The following MPEG1 variants were observed in gnomAD, a reference collection of about 807,000 sequenced individuals.
MPEG1 encodes the protein macrophage expressed 1, also known as macrophage-expressed gene 1 protein.
For synonymous variants in MPEG1, 365 were observed against 351.9 expected (o/e 1.04, Z -0.42); for missense variants, 876 against 880.3 (o/e 1.00, Z 0.06).
rs17153442 is a variant in MPEG1, at chr11:59,210,785, T to C, written c.2081A>G (p.Gln694Arg). 4,102 of 1,614,180 alleles carry C rather than the reference T, an allele frequency of 2.5e-3. 76 individuals are homozygous for C. In the South Asian group the frequency reaches 0.029, roughly 11 times the overall value. Residue 694 changes from glutamine (Q) to arginine (R), a missense_variant, in exon 1 of 1, where the codon CAG (glutamine) becomes CGG (arginine). Coordinates refer to ENST00000361050, the MANE Select transcript of MPEG1 (RefSeq NM_001039396.2). ...KKAYQAIEER[Q>R]SLVPGTAATG... ...TGCTGCAGTGCCTGGAACCAAACTC[T>C]GCCTTTCCTCAATTGCCTGATATGC...
Position 59,211,270 on chromosome 11 carries a change from A to G in MPEG1, c.1596T>C (p.Phe532=). ...SRFAVPFGGF[F]SCTVGNPLVD... is the part of the protein sequence containing the mutation. ...CCAGGGGGTTCCCAACTGTGCAGCTAAAGAACCCGCCAAAGGGGACCGCAA... is the reference window on the plus strand; with the variant it reads ...CCAGGGGGTTCCCAACTGTGCAGCTGAAGAACCCGCCAAAGGGGACCGCAA... The change falls in exon 1 of 1, where the codon TTT becomes TTC. Residue 532 remains phenylalanine (F), a synonymous_variant. Coordinates refer to ENST00000361050, the MANE Select transcript of MPEG1 (RefSeq NM_001039396.2). 4 of 1,614,158 alleles carry G rather than the reference A, an allele frequency of 2.5e-6. No homozygotes were observed. Among genetic ancestry groups the G allele is most frequent in the Non-Finnish European group, 3.4e-6 (4 of 1,180,014 alleles).
Position 59,212,683 on chromosome 11 carries a change from T to C in MPEG1, c.183A>G (p.Arg61=). ...WDNLRNVDMG[R]VMELTYSNCR... ...AGTTGGAGTAAGTCAATTCCATAAC[T>C]CGTCCCATGTCCACATTCCGCAGAT... is the stretch of plus-strand genomic sequence containing the variant. Residue 61 remains arginine (R), a synonymous_variant, in exon 1 of 1, where the codon CGA becomes CGG. Transcript: ENST00000361050. 1 of 1,614,222 alleles carries C rather than the reference T, an allele frequency of 6.2e-7. No individual in the cohort carries two copies. Among genetic ancestry groups the C allele is most frequent in the Non-Finnish European group, 8.5e-7 (1 of 1,180,038 alleles).
chr11:59,211,384 T>C lies in MPEG1; in HGVS notation c.1482A>G (p.Ala494=). The C allele has an allele frequency of 1.9e-6, 3 of 1,614,190 alleles. No homozygotes were observed. Among genetic ancestry groups the C allele is most frequent in the Non-Finnish European group, 2.5e-6 (3 of 1,180,044 alleles). The change falls in exon 1 of 1, where the codon GCA becomes GCG. Residue 494 remains alanine, a synonymous_variant. Transcript: ENST00000361050. ...SSKSINPMTN[A]QSCPAGYFPL... Reference sequence around the variant, plus strand: ...GAAAGTAGCCGGCTGGGCATGACTGTGCATTTGTCATGGGGTTTATGCTCT... The same window carrying C: ...GAAAGTAGCCGGCTGGGCATGACTGCGCATTTGTCATGGGGTTTATGCTCT...
rs533772796 is a variant in MPEG1, at chr11:59,209,208, A to T, written c.*1507T>A. ...TTCTCTGTGTCTCGGTTGGAAATGAATGGGTATCCTGGTTCCCACCTTCCC... is the reference window on the plus strand; with the variant it reads ...TTCTCTGTGTCTCGGTTGGAAATGATTGGGTATCCTGGTTCCCACCTTCCC... On this transcript the variant is annotated 3_prime_UTR_variant, in exon 1 of 1. Transcript: ENST00000361050. 3 of 152,304 alleles carry T rather than the reference A, an allele frequency of 2.0e-5. No individual in the cohort carries two copies. The South Asian group carries it at 6.2e-4, about 32-fold the overall frequency. The allele number at this position is 152,304 out of a possible 1,614,324, so 9.4% of individuals were successfully genotyped here. A position where few individuals can be genotyped will look rare whatever the true frequency, so the allele number is the denominator to read the frequency against.
rs772082525 is a variant in MPEG1 at position 59,210,609 on chromosome 11, C to T, written c.*106G>A. 71 of 1,017,842 alleles carry T rather than the reference C, an allele frequency of 7.0e-5. No individual in the cohort carries two copies. The highest frequency in any genetic ancestry group is 9.3e-5 in the Non-Finnish European group (63 of 678,278). 63.1% of individuals were successfully genotyped at this position (1,017,842 alleles called of 1,614,324 possible). ...GCCCAGAGACCTAAACAAGAAGTCACGAATATACCTACTTTTGGTTGCACT... is the reference window on the plus strand; with the variant it reads ...GCCCAGAGACCTAAACAAGAAGTCATGAATATACCTACTTTTGGTTGCACT... On this transcript the variant is annotated 3_prime_UTR_variant, in exon 1 of 1. Coordinates refer to ENST00000361050, the MANE Select transcript of MPEG1 (RefSeq NM_001039396.2).
At position 59,211,099 on chromosome 11, in the gene MPEG1, G is replaced by A. The variant is rs749470365; in HGVS notation, c.1767C>T (p.Pro589=). Residue 589 remains proline (P), a synonymous_variant, in exon 1 of 1, where the codon CCC becomes CCT. Transcript: ENST00000361050. ...GGGTGAAAGGTGGGAGCCTGGCAGG[G>A]GGCAGGGACCCTCCTGTGAAGAGCC... ...KSGLFTGGSL[P]PARLPPFTRP... The A allele has an allele frequency of 6.2e-7, 1 of 1,614,210 alleles. No individual in the cohort carries two copies. The highest frequency in any genetic ancestry group is 1.1e-5 in the South Asian group (1 of 91,082).
rs770294670 is a variant in MPEG1, at chr11:59,211,226, C to T, written c.1640G>A (p.Arg547Lys). Residue 547 changes from arginine (R) to lysine (K), a missense_variant, in exon 1 of 1, where the codon AGA (arginine) becomes AAA (lysine). Physicochemically the swap from Arg to Lys is conservative, Grantham distance 26. Coordinates refer to ENST00000361050, the MANE Select transcript of MPEG1 (RefSeq NM_001039396.2). ...GNPLVDPAIS[R>K]DLGAPSLKKC... ...TTTCAGAGACGGTGCCCCTAAATCT[C>T]TGGATATAGCAGGATCTACCAGGGG... The T allele has an allele frequency of 3.1e-6, 5 of 1,614,188 alleles. No homozygotes were observed. In the South Asian group the frequency reaches 5.5e-5, roughly 18 times the overall value.
Position 59,212,433 on chromosome 11 carries a change from C to T in MPEG1, c.433G>A (p.Ala145Thr). The T allele has an allele frequency of 6.2e-7, 1 of 1,614,168 alleles. No individual in the cohort carries two copies. The highest frequency in any genetic ancestry group is 8.5e-7 in the Non-Finnish European group (1 of 1,180,036). ...RMKTLQVKDQ[A>T]ITTRVQVRNL... The stretch of plus-strand genomic sequence containing the variant: ...CTTACCTGAACTCGGGTAGTTATAG[C>T]TTGGTCCTTCACTTGGAGGGTCTTC... Residue 145 changes from alanine (A) to threonine (T), a missense_variant, in exon 1 of 1, where the codon GCT becomes ACT. Transcript: ENST00000361050.
In MPEG1 at chr11:59,210,895, T is replaced by G. The variant is rs762946773; in HGVS notation, c.1971A>C (p.Ala657=). 8.1e-6 allele frequency: 13 copies of G among 1,614,060 alleles called. No individual in the cohort carries two copies. The African/African-American group carries it at 1.7e-4, about 22-fold the overall frequency. Reference sequence around the variant, plus strand: ...TGGTGACCCCCACTGTGACCCCAGCTGCAGCCCCTCCTGACAGACCACCAC... The same window carrying G: ...TGGTGACCCCCACTGTGACCCCAGCGGCAGCCCCTCCTGACAGACCACCAC... ...GDGGGLSGGA[A]AGVTVGVTTI... The change falls in exon 1 of 1, where the codon GCA becomes GCC. Residue 657 remains alanine, a synonymous_variant. Coordinates refer to ENST00000361050, the MANE Select transcript of MPEG1 (RefSeq NM_001039396.2).
Position 59,210,985 on chromosome 11 carries a change from G to A in MPEG1, c.1881C>T (p.Thr627=). ...TCGGTTCTCCCAGCCTCCACTGGTG[G>A]GTCTGGGAGTCTTTAATCCAGGATC... ...NARSWIKDSQ[T]HQWRLGEPIE... The change falls in exon 1 of 1, where the codon ACC becomes ACT. Residue 627 remains threonine (T), a synonymous_variant. Coordinates refer to ENST00000361050, the MANE Select transcript of MPEG1 (RefSeq NM_001039396.2). 6.2e-7 allele frequency: 1 copy of A among 1,614,150 alleles called. No individual in the cohort carries two copies. The highest frequency in any genetic ancestry group is 8.5e-7 in the Non-Finnish European group (1 of 1,180,028).
At position 59,208,608 on chromosome 11, in the gene MPEG1, T is replaced by A. The variant is rs1862846600; in HGVS notation, c.*2107A>T. On this transcript the variant is annotated 3_prime_UTR_variant, in exon 1 of 1. Transcript: ENST00000361050. ...GAGCCAGCTTTGTCACCCAAATCTG[T>A]GTCTATTTCTGATAGTCCATGGAAT... is the stretch of plus-strand genomic sequence containing the variant. The A allele has an allele frequency of 6.6e-6, 1 of 152,180 alleles. No homozygotes were observed. The highest frequency in any genetic ancestry group is 1.5e-5 in the Non-Finnish European group (1 of 68,020). The allele number at this position is 152,180 out of a possible 1,614,324, so 9.4% of individuals were successfully genotyped here.
At position 59,211,448 on chromosome 11, in the gene MPEG1, T is replaced by A. The variant is rs1276445186; in HGVS notation, c.1418A>T (p.Glu473Val). 1.2e-6 allele frequency: 2 copies of A among 1,614,176 alleles called. No individual in the cohort carries two copies. Among genetic ancestry groups the A allele is most frequent in the African/African-American group, 2.7e-5 (2 of 75,044 alleles). The change falls in exon 1 of 1, where the codon GAA (glutamate) becomes GTA (valine). Residue 473 changes from glutamate to valine, a missense_variant. Physicochemically the swap from Glu to Val is moderately radical, Grantham distance 121. Coordinates refer to ENST00000361050, the MANE Select transcript of MPEG1 (RefSeq NM_001039396.2). Reference protein sequence around the residue: ...FWCVASSQVPENSGLLFGGLF... With the variant: ...FWCVASSQVPVNSGLLFGGLF... ...GCCCCCAAAAAGCAGTCCTGAGTTT[T>A]CAGGTACTTGGCTGCTGGCCACACA...
At position 59,210,494 on chromosome 11, in the gene MPEG1, A is replaced by C. The variant is rs1172100709; in HGVS notation, c.*221T>G. On this transcript the variant is annotated 3_prime_UTR_variant, in exon 1 of 1. Transcript: ENST00000361050. ...CATTGGGAAAGGACATCTGCTTCCT[A>C]TTTTAGTCCCAGAATCACTTTTGCT... 1.1e-5 allele frequency: 6 copies of C among 546,596 alleles called. No individual in the cohort carries two copies. In the East Asian group the frequency reaches 1.5e-4, roughly 13 times the overall value. 33.9% of individuals were successfully genotyped at this position (546,596 alleles called of 1,614,324 possible). A position where few individuals can be genotyped will look rare whatever the true frequency, so the allele number is the denominator to read the frequency against.
rs1222254463 is a variant in MPEG1, at chr11:59,209,145, G to A, written c.*1570C>T. 1 of 152,062 alleles carries A rather than the reference G, an allele frequency of 6.6e-6. No individual in the cohort carries two copies. Among genetic ancestry groups the A allele is most frequent in the African/African-American group, 2.4e-5 (1 of 41,392 alleles). The allele number at this position is 152,062 out of a possible 1,614,324, so 9.4% of individuals were successfully genotyped here. On this transcript the variant is annotated 3_prime_UTR_variant, in exon 1 of 1. Coordinates refer to ENST00000361050, the MANE Select transcript of MPEG1 (RefSeq NM_001039396.2). ...GTTACAGAAATCAGTGTCTCTGGCTGGGCAGTCAAGAGAGCGGGCTCAAAT... is the reference window on the plus strand; with the variant it reads ...GTTACAGAAATCAGTGTCTCTGGCTAGGCAGTCAAGAGAGCGGGCTCAAAT...
At position 59,211,677 on chromosome 11, in the gene MPEG1, AGAG is replaced by A; in HGVS notation, c.1186_1188del (p.Leu396del). ...GGATTCTTCTGCTCCAACTTTTGGC[AGAG>A]GAGGACATCCCTATTCCCTGAGAGC... On this transcript the variant is annotated inframe_deletion, in exon 1 of 1. Coordinates refer to ENST00000361050, the MANE Select transcript of MPEG1 (RefSeq NM_001039396.2). The A allele has an allele frequency of 5.0e-6, 8 of 1,614,202 alleles. No individual in the cohort carries two copies. Among genetic ancestry groups the A allele is most frequent in the Non-Finnish European group, 6.8e-6 (8 of 1,180,040 alleles).
At position 59,212,350 on chromosome 11, in the gene MPEG1, C is replaced by T; in HGVS notation, c.516G>A (p.Arg172=). ...NPTLELSSGF[R]KELLDISDRL... Reference sequence around the variant, plus strand: ...GGTCAGAGATGTCAAGGAGTTCCTTCCTAAAACCTGAGCTTAGCTCTAAAG... The same window carrying T: ...GGTCAGAGATGTCAAGGAGTTCCTTTCTAAAACCTGAGCTTAGCTCTAAAG... Residue 172 remains arginine (R), a synonymous_variant, in exon 1 of 1, where the codon AGG becomes AGA. Coordinates refer to ENST00000361050, the MANE Select transcript of MPEG1 (RefSeq NM_001039396.2). The T allele has an allele frequency of 6.2e-7, 1 of 1,614,138 alleles. No homozygotes were observed. Among genetic ancestry groups the T allele is most frequent in the Non-Finnish European group, 8.5e-7 (1 of 1,180,030 alleles).
chr11:59,211,911 G>A lies in MPEG1; in HGVS notation c.955C>T (p.Leu319=). 4 of 1,613,990 alleles carry A rather than the reference G, an allele frequency of 2.5e-6. No homozygotes were observed. Among genetic ancestry groups the A allele is most frequent in the Non-Finnish European group, 3.4e-6 (4 of 1,179,952 alleles). ...PLHFFINPNM[L]PDLPGPLVKK... is the part of the protein sequence containing the mutation. ...ACCAGGGGGCCTGGCAAGTCAGGTA[G>A]CATGTTGGGGTTGATGAAGAAATGC... is the stretch of plus-strand genomic sequence containing the variant. Residue 319 remains leucine (L), a synonymous_variant, in exon 1 of 1, where the codon CTA becomes TTA. Transcript: ENST00000361050.
rs1862863183 is a variant in MPEG1 at position 59,209,791 on chromosome 11, CA to C, written c.*923del. On this transcript the variant is annotated 3_prime_UTR_variant, in exon 1 of 1. Coordinates refer to ENST00000361050, the MANE Select transcript of MPEG1 (RefSeq NM_001039396.2). ...TGTGTGTGTGTGTGTGTTCATATAA[CA>C]GGAGGACAGGAAAGGTAAGGACCCA... The C allele has an allele frequency of 6.8e-6, 1 of 146,472 alleles. No individual in the cohort carries two copies. The highest frequency in any genetic ancestry group is 1.5e-5 in the Non-Finnish European group (1 of 68,774). 9.1% of individuals were successfully genotyped at this position (146,472 alleles called of 1,614,324 possible).
rs758531120 is a variant in MPEG1 at position 59,212,050 on chromosome 11, G to C, written c.816C>G (p.Asn272Lys). 6.2e-7 allele frequency: 1 copy of C among 1,612,994 alleles called. No individual in the cohort carries two copies. Among genetic ancestry groups the C allele is most frequent in the East Asian group, 2.2e-5 (1 of 44,834 alleles). Residue 272 changes from asparagine to lysine, a missense_variant, in exon 1 of 1, where the codon AAC becomes AAG. Physicochemically the swap from Asn to Lys is moderately conservative, Grantham distance 94. Coordinates refer to ENST00000361050, the MANE Select transcript of MPEG1 (RefSeq NM_001039396.2). ...CCCCTCCAATGCTCTGCACCCTGGA[G>C]TTGGTTCGGTTTGAGAGGTAGCTCT... ...LTKSYLSNRT[N>K]SRVQSIGGVP... is the part of the protein sequence containing the mutation.
Sources: allele counts gnomAD v4.1 joint callset, GRCh38; gene constraint gnomAD v4.1.1; transcripts MANE v1.5; gene names NCBI Gene and HGNC (gene_info 2026-07-23, HGNC 2026-07-21).